Variants in RIMS1 observed in about 807,000 individuals in gnomAD.
RIMS1 encodes the protein regulating synaptic membrane exocytosis 1.
Under a neutral mutation model 214.1 loss-of-function variants are expected in RIMS1, and 83 were observed. The observed-to-expected ratio is 0.39, with a 90% confidence interval of 0.32 to 0.47. RIMS1 has a LOEUF of 0.47. Among genes scored for constraint, RIMS1 ranks in the 20% least tolerant of loss-of-function variants. The probability of loss-of-function intolerance (pLI) is 0.99; values close to 1 mark genes in which losing one functional copy is unlikely to be tolerated. For missense variants in RIMS1, 2,050 were observed against 2,161.8 expected, an observed-to-expected ratio of 0.95 and a Z score of 1.03; for synonymous variants, 793 against 786.8, an observed-to-expected ratio of 1.01 and a Z score of -0.13.
At chr6:72,349,258 G>A (rs771228504) in intron 29 of RIMS1, among the ~76,000 whole-genome samples, 3 of 151,950 alleles carry the variant, frequency 2.0e-5, no homozygotes, top group Non-Finnish European at 4.4e-5. Flanking sequence ...CTGTGTTCCA[G>A]ATTCAAAGTC....
At chr6:72,134,778 A>C (rs76980822) in intron 4 of RIMS1, among the ~76,000 whole-genome samples, 1 of 152,004 alleles carries the variant, frequency 6.6e-6, no homozygotes, top group Non-Finnish European at 1.5e-5. Flanking sequence ...TTCAATAATT[A>C]AGTTCTAAAA....
At position 72,131,812 on chromosome 6, in the gene RIMS1, C is replaced by T. The variant is rs180708229; in HGVS notation, c.471+31826C>T. 4.0e-4 allele frequency among the ~76,000 whole-genome samples: 61 copies of T among 152,252 alleles called. 1 individual carries two copies. Among genetic ancestry groups the T allele is most frequent in the African/African-American group, 1.5e-3 (61 of 41,536 alleles). ...GAGACTGGGGTTTATTTCATCCCTACAGTCTCGACCATAAAAGATGACCAC... is the reference window on the plus strand; with the variant it reads ...GAGACTGGGGTTTATTTCATCCCTATAGTCTCGACCATAAAAGATGACCAC... On this transcript the variant is annotated intron_variant, in intron 4 of 33. Transcript: ENST00000521978.
chr6:72,025,787 G>C (rs572468004), intron 2 of RIMS1, among the ~76,000 whole-genome samples: 1 of 152,266 alleles, frequency 6.6e-6, no homozygotes, highest in African/African-American at 2.4e-5. Flanking sequence ...GTTCAGGCTT[G>C]GATTCTTTCA....
At chr6:71,941,119 T>C (rs1157847249) in intron 1 of RIMS1, among the ~76,000 whole-genome samples, 1 of 152,182 alleles carries the variant, frequency 6.6e-6, no homozygotes, top group Admixed American at 6.5e-5. Context: ...TGTAGTTTTT[T>C]TTCACCCGGG....
chr6:71,912,362 CTATT>C (rs1378611397), intron 1 of RIMS1, among the ~76,000 whole-genome samples: 2 of 152,228 alleles, frequency 1.3e-5, no homozygotes, highest in Non-Finnish European at 2.9e-5. Flanking sequence ...CTTCCCTGGG[CTATT>C]TATTTCTTGC....
chr6:72,312,272 T>C (rs1027081862), intron 27 of RIMS1, among the ~76,000 whole-genome samples: 4 of 152,140 alleles, frequency 2.6e-5, no homozygotes, highest in African/African-American at 9.7e-5. Flanking sequence ...TAAAATTAAA[T>C]TGCTTGCTAA....
At chr6:72,030,145 G>GAACATGCAAATCACC (rs1235598316) in intron 2 of RIMS1, among the ~76,000 whole-genome samples, 1 of 152,122 alleles carries the variant, frequency 6.6e-6, no homozygotes, top group East Asian at 1.9e-4. Flanking sequence ...AATCTTTAAT[G>GAACATGCAAATCACC]AACATGCAAA....
At chr6:71,911,399 A>G (rs769772648) in intron 1 of RIMS1, among the ~76,000 whole-genome samples, 6 of 152,090 alleles carry the variant, frequency 3.9e-5, no homozygotes, top group Non-Finnish European at 8.8e-5. Flanking sequence ...TCTGCCCACT[A>G]TTTAAAACAA....
At chr6:72,299,626 C>T (rs1250966953) in intron 26 of RIMS1, among the ~76,000 whole-genome samples, 4 of 151,678 alleles carry the variant, frequency 2.6e-5, no homozygotes, top group Non-Finnish European at 5.9e-5. Flanking sequence ...CTAAGTTATG[C>T]AAACTATATT....
intron 23 of RIMS1, among the ~76,000 whole-genome samples, chr6:72,276,663 G>C (rs564938830): frequency 3.9e-5 from 6 of 151,968 alleles, no homozygotes; most frequent in African/African-American, 1.4e-4. Flanking sequence ...TACATCTCTT[G>C]ATACTATTAT....
intron 2 of RIMS1, among the ~76,000 whole-genome samples, chr6:71,971,980 A>G (rs1236930434): frequency 1.3e-5 from 2 of 152,188 alleles, no homozygotes. Context: ...ATATCTAACA[A>G]GAGGTTGGCT....
chr6:72,373,272 A>C (rs558462327), intron 29 of RIMS1, among the ~76,000 whole-genome samples: 134 of 152,332 alleles, frequency 8.8e-4, no homozygotes, highest in African/African-American at 3.2e-3. Context: ...AGTATTGCAT[A>C]AGCCAGTATT....
chr6:72,182,855 C>G lies in RIMS1; in HGVS notation c.1384C>G (p.Pro462Ala), dbSNP rs541997223. 22 of 1,556,988 alleles carry G rather than the reference C, an allele frequency of 1.4e-5. No homozygotes were observed. The highest frequency in any genetic ancestry group is 2.4e-5 in the East Asian group (1 of 41,358). Residue 462 changes from proline to alanine, a missense_variant, in exon 6 of 34, where the codon CCG becomes GCG. Transcript: ENST00000521978. ...ACATGGGCCGGTTCCCGCAGAAGCC[C>G]CGGAGCTCAAAGCCCAGGAGCCCCT... ...PRHGPVPAEA[P>A]ELKAQEPLRK...
At chr6:72,062,777 A>G (rs1396427513) in intron 2 of RIMS1, among the ~76,000 whole-genome samples, 1 of 152,146 alleles carries the variant, frequency 6.6e-6, no homozygotes, top group Non-Finnish European at 1.5e-5. Flanking sequence ...GAATGGTTCC[A>G]TATCACTTCT....
intron 19 of RIMS1, chr6:72,262,958 T>A (rs183394229): frequency 2.1e-6 from 1 of 472,012 alleles, no homozygotes; most frequent in Non-Finnish European, 2.8e-6. Context: ...AATTATATGT[T>A]ATGAATATTA....
At chr6:71,979,004 T>C (rs1270558210) in intron 2 of RIMS1, among the ~76,000 whole-genome samples, 1 of 152,168 alleles carries the variant, frequency 6.6e-6, no homozygotes, top group Non-Finnish European at 1.5e-5. Context: ...ATTCTTTTTA[T>C]ATGATTTGCT....
Position 72,161,665 on chromosome 6 carries a change from G to C in RIMS1, c.472-17910G>C, listed in dbSNP as rs546409762. Among the ~76,000 whole-genome samples, 26 of 139,590 alleles carry C rather than the reference G, an allele frequency of 1.9e-4. 6 individuals carry two copies. Among genetic ancestry groups the C allele is most frequent in the Non-Finnish European group, 3.1e-4 (19 of 61,432 alleles). The allele number at this position is 139,590 out of a possible 152,430, so 91.6% of individuals were successfully genotyped here. On this transcript the variant is annotated intron_variant, in intron 4 of 33. Coordinates refer to ENST00000521978, the MANE Select transcript of RIMS1 (RefSeq NM_014989.7). ...TATGTCCCCAGTAGTCATTCAGGAG[G>C]AGGTTGTTCAGTATCCATGTAGGTG...
chr6:71,976,424 C>G (rs1055416239), intron 2 of RIMS1, among the ~76,000 whole-genome samples: 5 of 152,068 alleles, frequency 3.3e-5, no homozygotes, highest in African/African-American at 1.2e-4. Context: ...TAAGGATGAT[C>G]TTTCAAAATA....
intron 29 of RIMS1, among the ~76,000 whole-genome samples, chr6:72,338,546 G>A (rs2096928100): frequency 6.6e-6 from 1 of 151,918 alleles, no homozygotes; most frequent in South Asian, 2.1e-4. Context: ...TACAGAATGG[G>A]AGAAAATTTT....
Sources: allele counts gnomAD v4.1 joint callset (sites outside exome capture counted in the v4.1 genomes callset), GRCh38; gene constraint gnomAD v4.1.1; transcripts MANE v1.5; gene names NCBI Gene and HGNC (gene_info 2026-07-23, HGNC 2026-07-21).